SCAPER: variants seen among roughly 807,000 people sequenced by gnomAD.
The protein encoded by SCAPER is S-phase cyclin A associated protein in the ER, also known as S phase cyclin A-associated protein in the endoplasmic reticulum.
SCAPER carries 98 observed loss-of-function variants against 182.2 expected under a neutral mutation model. That is an observed-to-expected ratio of 0.54 (90% CI 0.46 to 0.64). SCAPER has a LOEUF of 0.64. Ranked by LOEUF, SCAPER falls within the 30% of genes least tolerant of loss-of-function variation. The pLI, the probability that SCAPER is intolerant of heterozygous loss-of-function variation, is 0.00. For missense variants in SCAPER, 1,432 were observed against 1,690.0 expected, an observed-to-expected ratio of 0.85 and a Z score of 2.68; for synonymous variants, 605 against 564.6, an observed-to-expected ratio of 1.07 and a Z score of -1.01.
intron 15 of SCAPER, among the ~76,000 whole-genome samples, chr15:76,734,845 C>G (rs1008203041): frequency 6.6e-6 from 1 of 152,066 alleles, no homozygotes; most frequent in Non-Finnish European, 1.5e-5. Context: ...GCACTGCACT[C>G]CAGCCTGGGC....
At chr15:76,684,718 C>T (rs1168268434) in intron 20 of SCAPER, among the ~76,000 whole-genome samples, 1 of 151,320 alleles carries the variant, frequency 6.6e-6, no homozygotes, top group Admixed American at 6.6e-5. Context: ...GCAGAAGAGA[C>T]TAAAAGGGAA....
rs117498627 is a variant in SCAPER at position 76,728,717 on chromosome 15, C to T, written c.2043G>A (p.Glu681=). ...EAVQERKRAL[E]AERQARVEEL... is the part of the protein sequence containing the mutation. ...CTTCTACACGGGCCTGCCGCTCTGCCTCTAGAGCTCTCTTGCGTTCCTAAT... is the reference window on the plus strand; with the variant it reads ...CTTCTACACGGGCCTGCCGCTCTGCTTCTAGAGCTCTCTTGCGTTCCTAAT... Residue 681 remains glutamate, a synonymous_variant, in exon 17 of 32, where the codon GAG becomes GAA. Coordinates refer to ENST00000563290, the MANE Select transcript of SCAPER (RefSeq NM_020843.4). 6.0e-4 allele frequency: 966 copies of T among 1,613,086 alleles called. 9 individuals are homozygous for T. The East Asian group carries it at 0.02, about 33-fold the overall frequency.
chr15:76,844,378 A>G (rs2069822891), intron 4 of SCAPER, among the ~76,000 whole-genome samples: 1 of 152,032 alleles, frequency 6.6e-6, no homozygotes, highest in East Asian at 1.9e-4. Context: ...AATCTGAGAA[A>G]ACCTATGGAC....
At chr15:76,654,218 C>G (rs279998) in intron 21 of SCAPER, among the ~76,000 whole-genome samples, 1 of 152,110 alleles carries the variant, frequency 6.6e-6, no homozygotes, top group Non-Finnish European at 1.5e-5. Flanking sequence ...CTGGCTAACA[C>G]GGTAAAACTC....
intron 21 of SCAPER, among the ~76,000 whole-genome samples, chr15:76,660,106 T>C (rs999644091): frequency 1.3e-5 from 2 of 152,178 alleles, no homozygotes; most frequent in Non-Finnish European, 2.9e-5. Context: ...TGGATGAAGC[T>C]GGAGGTCATT....
At chr15:76,658,786 C>G (rs2055884402) in intron 21 of SCAPER, among the ~76,000 whole-genome samples, 1 of 152,138 alleles carries the variant, frequency 6.6e-6, no homozygotes, top group African/African-American at 2.4e-5. Flanking sequence ...GCCATCTCAT[C>G]TTTGACAAAG....
intron 23 of SCAPER, among the ~76,000 whole-genome samples, chr15:76,548,824 C>T (rs1038028187): frequency 1.3e-5 from 2 of 152,168 alleles, no homozygotes; most frequent in African/African-American, 4.8e-5. Flanking sequence ...AAATGTTAGA[C>T]CTAAAACCAT....
chr15:76,810,365 G>T (rs760287516), intron 5 of SCAPER, among the ~76,000 whole-genome samples: 12 of 151,812 alleles, frequency 7.9e-5, no homozygotes, highest in Non-Finnish European at 4.4e-5. Flanking sequence ...TAATGTGGGA[G>T]CAAGAGACAT....
chr15:76,578,190 CACA>C (rs758633213), intron 22 of SCAPER, among the ~76,000 whole-genome samples: 15 of 152,102 alleles, frequency 9.9e-5, no homozygotes, highest in Non-Finnish European at 1.9e-4. Context: ...CACAGTAGAA[CACA>C]GCACCAGGTT....
chr15:76,667,285 C>T (rs1232789684), intron 20 of SCAPER, among the ~76,000 whole-genome samples: 3 of 152,106 alleles, frequency 2.0e-5, no homozygotes, highest in Non-Finnish European at 4.4e-5. Context: ...GGTTTCCTGA[C>T]ATCACATTGT....
chr15:76,552,030 A>C (rs1021864760), intron 23 of SCAPER, among the ~76,000 whole-genome samples: 1 of 152,050 alleles, frequency 6.6e-6, no homozygotes, highest in African/African-American at 2.4e-5. Context: ...TCATGCCTGT[A>C]ACGCCAGCAG....
At chr15:76,674,366 G>A (rs1312787795) in intron 20 of SCAPER, among the ~76,000 whole-genome samples, 1 of 152,134 alleles carries the variant, frequency 6.6e-6, no homozygotes, top group Non-Finnish European at 1.5e-5. Context: ...GTCTATAAGG[G>A]AGGAAATAAA....
At chr15:76,551,145 T>C (rs2144945531) in intron 23 of SCAPER, among the ~76,000 whole-genome samples, 1 of 152,186 alleles carries the variant, frequency 6.6e-6, no homozygotes, top group East Asian at 1.9e-4. Context: ...TGAAAATCAG[T>C]ATGGAGGTTC....
chr15:76,729,570 G>T (rs910524949), intron 16 of SCAPER, among the ~76,000 whole-genome samples: 3 of 152,120 alleles, frequency 2.0e-5, no homozygotes, highest in Non-Finnish European at 4.4e-5. Flanking sequence ...CACAGTGGGT[G>T]TAAGAGTGGA....
chr15:76,663,908 C>A (rs987208818), intron 21 of SCAPER, among the ~76,000 whole-genome samples: 1 of 151,976 alleles, frequency 6.6e-6, no homozygotes, highest in Middle Eastern at 3.4e-3. Flanking sequence ...ATAGAATGGA[C>A]ACAGATGGCA....
intron 18 of SCAPER, among the ~76,000 whole-genome samples, chr15:76,705,514 A>G (rs2059212490): frequency 6.6e-6 from 1 of 151,778 alleles, no homozygotes; most frequent in Admixed American, 6.6e-5. Context: ...TAACCTGCAC[A>G]TTGTGCACAT....
chr15:76,418,157 T>C (rs1163577017), intron 26 of SCAPER, among the ~76,000 whole-genome samples: 1 of 152,138 alleles, frequency 6.6e-6, no homozygotes, highest in Non-Finnish European at 1.5e-5. Context: ...ATTTTGACTG[T>C]AGTGATGGAA....
At chr15:76,416,777 A>G (rs768361368) in intron 26 of SCAPER, among the ~76,000 whole-genome samples, 1 of 152,272 alleles carries the variant, frequency 6.6e-6, no homozygotes, top group Non-Finnish European at 1.5e-5. Flanking sequence ...TGAAAAAGTA[A>G]AAAACTAAAA....
chr15:76,491,808 T>G (rs939236305), intron 24 of SCAPER, among the ~76,000 whole-genome samples: 7 of 152,232 alleles, frequency 4.6e-5, no homozygotes, highest in African/African-American at 1.7e-4. Flanking sequence ...ATTTTTGTAT[T>G]TTTAATAGAG....
Sources: gnomAD v4.1 joint callset for allele counts (sites outside exome capture counted in the v4.1 genomes callset) on GRCh38, gnomAD v4.1.1 for gene constraint, MANE v1.5 for transcripts, NCBI Gene and HGNC (gene_info 2026-07-23, HGNC 2026-07-21) for gene names.